Variants in ZNF555 observed in about 807,000 individuals in gnomAD.
ZNF555 encodes the protein zinc finger protein 555.
Under a neutral mutation model 14.0 loss-of-function variants are expected in ZNF555, and 10 were observed. That is an observed-to-expected ratio of 0.72 (90% CI 0.44 to 1.21). The LOEUF is 1.21. ZNF555 is among the 50% of genes most tolerant of loss of function. ZNF555 has a pLI of 0.00. For missense variants in ZNF555, 747 were observed against 762.0 expected, an observed-to-expected ratio of 0.98 and a Z score of 0.23; for synonymous variants, 277 against 262.4, an observed-to-expected ratio of 1.06 and a Z score of -0.54.
intron 3 of ZNF555, 23 bp downstream of exon 3, chr19:2,851,674 C>T: frequency 1.3e-6 from 2 of 1,503,862 alleles, no homozygotes; most frequent in African/African-American, 2.8e-5. Context: ...CACAAGAGAA[C>T]ATAGTATTTC....
At chr19:2,849,176 CCTG>C (rs1170081265) in intron 1 of ZNF555, among the ~76,000 whole-genome samples, 1 of 151,898 alleles carries the variant, frequency 6.6e-6, no homozygotes, top group Non-Finnish European at 1.5e-5. Flanking sequence ...TTGTCTGTCT[CCTG>C]CTCATAGACG....
Position 2,851,587 on chromosome 19 carries a change from T to A in ZNF555, c.250T>A (p.Leu84Ile), listed in dbSNP as rs754982590. The A allele has an allele frequency of 6.2e-7, 1 of 1,611,264 alleles. No homozygotes were observed. The highest frequency in any genetic ancestry group is 8.5e-7 in the Non-Finnish European group (1 of 1,179,248). ...FTRNVSWASV[L>I]GKIWDSLSIE... ...CAGAAATGTTTCCTGGGCCTCTGTTTTAGGAAAAATTTGGGACAGTCTTAG... is the reference window on the plus strand; with the variant it reads ...CAGAAATGTTTCCTGGGCCTCTGTTATAGGAAAAATTTGGGACAGTCTTAG... Residue 84 changes from leucine (L) to isoleucine (I), a missense_variant, in exon 3 of 4, where the codon TTA (leucine) becomes ATA (isoleucine). By Grantham distance (5) the Leu-to-Ile change is conservative. Transcript: ENST00000334241.
Position 2,845,654 on chromosome 19 carries a change from C to T in ZNF555, c.3+4079C>T, listed in dbSNP as rs146065806. On this transcript the variant is annotated intron_variant, in intron 1 of 3. Coordinates refer to ENST00000334241, the MANE Select transcript of ZNF555 (RefSeq NM_152791.5). ...AGCTTTTTAATAACAGCCATTCTGA[C>T]GGGTGTGAGATGGTATCTCATCGTG... Among the ~76,000 whole-genome samples the T allele has an allele frequency of 7.8e-3, 1,185 of 152,244 alleles. 15 individuals carry two copies. The highest frequency in any genetic ancestry group is 0.027 in the African/African-American group (1,118 of 41,528).
In ZNF555 at chr19:2,850,735, C is replaced by T. The variant is rs543274088; in HGVS notation, c.130+22C>T. 9 of 1,611,828 alleles carry T rather than the reference C, an allele frequency of 5.6e-6. No homozygotes were observed. In the South Asian group the frequency reaches 8.8e-5, roughly 16 times the overall value. On this transcript the variant is annotated intron_variant, in intron 2 of 3. Coordinates refer to ENST00000334241, the MANE Select transcript of ZNF555 (RefSeq NM_152791.5). ...GTAGGTAAGGATGACATCATTCCTTCCTTCACGTAGTTATTGAGAGAACAA... is the reference window on the plus strand; with the variant it reads ...GTAGGTAAGGATGACATCATTCCTTTCTTCACGTAGTTATTGAGAGAACAA...
chr19:2,849,595 G>A (rs978508231), intron 1 of ZNF555, among the ~76,000 whole-genome samples: 2 of 147,874 alleles, frequency 1.4e-5, no homozygotes, highest in Non-Finnish European at 3.0e-5. Flanking sequence ...AGCAATTTTC[G>A]TGCCTCAGCC....
chr19:2,852,104 C>T (rs12973349), intron 3 of ZNF555, among the ~76,000 whole-genome samples: 59,898 of 151,318 alleles, frequency 0.4, 12,358 homozygotes, highest in South Asian at 0.57. Flanking sequence ...GCTAAGACTG[C>T]ACCACTGCAC....
At chr19:2,850,856 T>C (rs1353340955) in intron 2 of ZNF555, 143 bp downstream of exon 2, 4 of 1,025,272 alleles carry the variant, frequency 3.9e-6, no homozygotes, top group Non-Finnish European at 5.7e-6. Flanking sequence ...GTCATAGAGC[T>C]AGAATGTAAT....
chr19:2,842,484 G>T (rs573504911), intron 1 of ZNF555, among the ~76,000 whole-genome samples: 1 of 152,344 alleles, frequency 6.6e-6, no homozygotes, highest in African/African-American at 2.4e-5. Context: ...CTGCAAACGA[G>T]GGGGCTAAAA....
chr19:2,851,358 C>A, intron 2 of ZNF555, 110 bp from the exon 3 acceptor site: 1 of 845,086 alleles, frequency 1.2e-6, no homozygotes. Flanking sequence ...GAGTTGCTTA[C>A]CTTTTTGACC....
Position 2,841,593 on chromosome 19 carries a change from G to A in ZNF555, c.3+18G>A. On this transcript the variant is annotated intron_variant, in intron 1 of 3. Transcript: ENST00000334241. ...GGGACATGGTGAGTGTGGCGCAGGAGAGGATCCCGGTGCGGGGCAGCAGGA... is the reference window on the plus strand; with the variant it reads ...GGGACATGGTGAGTGTGGCGCAGGAAAGGATCCCGGTGCGGGGCAGCAGGA... 1 of 1,524,324 alleles carries A rather than the reference G, an allele frequency of 6.6e-7. No homozygotes were observed. Among genetic ancestry groups the A allele is most frequent in the Non-Finnish European group, 8.8e-7 (1 of 1,134,346 alleles). The allele number at this position is 1,524,324 out of a possible 1,614,324, so 94.4% of individuals were successfully genotyped here.
Position 2,853,979 on chromosome 19 carries a change from A to C in ZNF555, c.*27A>C. 6.2e-7 allele frequency: 1 copy of C among 1,610,728 alleles called. No individual in the cohort carries two copies. The highest frequency in any genetic ancestry group is 1.1e-5 in the South Asian group (1 of 90,728). On this transcript the variant is annotated 3_prime_UTR_variant, in exon 4 of 4. Coordinates refer to ENST00000334241, the MANE Select transcript of ZNF555 (RefSeq NM_152791.5). ...TTCCTTATCCTGAAAGTGGACACTC[A>C]AGGAGTGTGTCTGTAGTTCATTTGC...
At chr19:2,845,972 A>C (rs961185930) in intron 1 of ZNF555, among the ~76,000 whole-genome samples, 2 of 152,164 alleles carry the variant, frequency 1.3e-5, no homozygotes, top group African/African-American at 2.4e-5. Context: ...TCCCCTTGGA[A>C]GCACATTGTT....
At position 2,857,880 on chromosome 19, in the gene ZNF555, TG is replaced by T. The variant is rs2087697162; in HGVS notation, c.*3929del. On this transcript the variant is annotated 3_prime_UTR_variant, in exon 4 of 4. Coordinates refer to ENST00000334241, the MANE Select transcript of ZNF555 (RefSeq NM_152791.5). ...TACAAAACATTCCTGAAACTTGACA[TG>T]TAAGTTCGCAATAAGACTTTTCCCT... is the stretch of plus-strand genomic sequence containing the variant. 1 of 152,004 alleles carries T rather than the reference TG, an allele frequency of 6.6e-6. No homozygotes were observed. The highest frequency in any genetic ancestry group is 1.5e-5 in the Non-Finnish European group (1 of 68,060). The allele number at this position is 152,004 out of a possible 1,614,324, so 9.4% of individuals were successfully genotyped here. A position where few individuals can be genotyped will look rare whatever the true frequency, so the allele number is the denominator to read the frequency against.
intron 1 of ZNF555, among the ~76,000 whole-genome samples, chr19:2,843,778 G>C (rs1279424824): frequency 3.2e-4 from 48 of 152,188 alleles, no homozygotes; most frequent in Admixed American, 3.1e-3. Context: ...TTATATTAAA[G>C]TGTTTATCCT....
chr19:2,845,299 G>C (rs1230205633), intron 1 of ZNF555, among the ~76,000 whole-genome samples: 3 of 152,174 alleles, frequency 2.0e-5, no homozygotes. Context: ...ACATGATTTC[G>C]TTCTTTTTTA....
In ZNF555 at chr19:2,853,548, T is replaced by G. The variant is rs550356298; in HGVS notation, c.1483T>G (p.Leu495Val). Reference sequence around the variant, plus strand: ...GAAAGCTTTCTATTGCCACATATCCTTACAAAAACATATGAGAAGACATAC... The same window carrying G: ...GAAAGCTTTCTATTGCCACATATCCGTACAAAAACATATGAGAAGACATAC... ...CGKAFYCHIS[L>V]QKHMRRHTAE... is the part of the protein sequence containing the mutation. Residue 495 changes from leucine (L) to valine (V), a missense_variant, in exon 4 of 4, where the codon TTA becomes GTA. Leu to Val is a conservative substitution (Grantham distance 32, BLOSUM62 1). Coordinates refer to ENST00000334241, the MANE Select transcript of ZNF555 (RefSeq NM_152791.5). 8 of 1,610,908 alleles carry G rather than the reference T, an allele frequency of 5.0e-6. No individual in the cohort carries two copies. In the African/African-American group the frequency reaches 1.1e-4, roughly 21 times the overall value.
intron 1 of ZNF555, among the ~76,000 whole-genome samples, chr19:2,846,465 C>T (rs1019504037): frequency 3.0e-4 from 45 of 152,302 alleles, no homozygotes; most frequent in African/African-American, 8.7e-4. Flanking sequence ...TGATGTTTTT[C>T]GTAGTTCAGG....
intron 3 of ZNF555, among the ~76,000 whole-genome samples, chr19:2,852,146 TCA>T (rs2087635365): frequency 2.2e-5 from 1 of 45,636 alleles, no homozygotes; most frequent in African/African-American, 5.6e-5. Context: ...AGACTCTGTC[TCA>T]AAAAAAAAAA....
At chr19:2,843,230 C>T (rs2087553749) in intron 1 of ZNF555, among the ~76,000 whole-genome samples, 1 of 152,200 alleles carries the variant, frequency 6.6e-6, no homozygotes, top group Non-Finnish European at 1.5e-5. Flanking sequence ...CTGGTGCGAT[C>T]ACAGCTCACT....
Sources: allele counts gnomAD v4.1 joint callset (sites outside exome capture counted in the v4.1 genomes callset), GRCh38; gene constraint gnomAD v4.1.1; transcripts MANE v1.5; gene names NCBI Gene and HGNC (gene_info 2026-07-23, HGNC 2026-07-21).